The following MAL variants were observed in gnomAD, a reference collection of about 807,000 sequenced individuals.
MAL encodes the protein myelin and lymphocyte protein.
MAL carries 5 observed loss-of-function variants against 16.7 expected under a neutral mutation model. That is an observed-to-expected ratio of 0.30 (90% confidence interval 0.16 to 0.63). The LOEUF (loss-of-function observed/expected upper bound fraction) is 0.63, where lower values mean the gene tolerates loss of function less well. MAL is among the 30% of genes least tolerant of loss of function. The probability of loss-of-function intolerance (pLI) is 0.82; values close to 1 mark genes in which losing one functional copy is unlikely to be tolerated. For missense variants in MAL, 202 were observed against 195.8 expected (o/e 1.03, Z -0.19); for synonymous variants, 96 against 85.5 (o/e 1.12, Z -0.67).
At chr2:95,038,250 G>A (rs1674304496) in intron 1 of MAL, among the ~76,000 whole-genome samples, 1 of 150,410 alleles carries the variant, frequency 6.6e-6, no homozygotes, top group Non-Finnish European at 1.5e-5. Context: ...GTGTGTGAGT[G>A]ACTGACTGAG....
chr2:95,053,634 C>T lies in MAL; in HGVS notation c.*179C>T. 1 of 600,770 alleles carries T rather than the reference C, an allele frequency of 1.7e-6. No homozygotes were observed. Among genetic ancestry groups the T allele is most frequent in the Non-Finnish European group, 2.9e-6 (1 of 340,344 alleles). The allele number at this position is 600,770 out of a possible 1,614,324, so 37.2% of individuals were successfully genotyped here. Reference sequence around the variant, plus strand: ...GCTCGTGGGTGCTGTGTTTACTCTCCCGTGTGCCTTCGCGTCCGGGTTGGG... The same window carrying T: ...GCTCGTGGGTGCTGTGTTTACTCTCTCGTGTGCCTTCGCGTCCGGGTTGGG... On this transcript the variant is annotated 3_prime_UTR_variant, in exon 4 of 4. Coordinates refer to ENST00000309988, the MANE Select transcript of MAL (RefSeq NM_002371.4).
intron 1 of MAL, among the ~76,000 whole-genome samples, chr2:95,033,999 C>T (rs542690338): frequency 1.1e-4 from 17 of 152,342 alleles, no homozygotes; most frequent in African/African-American, 3.8e-4. Context: ...CTATCAAGTG[C>T]TGTTATTATT....
At chr2:95,047,549 C>T (rs1245138641) in intron 1 of MAL, among the ~76,000 whole-genome samples, 3 of 152,152 alleles carry the variant, frequency 2.0e-5, no homozygotes, top group Middle Eastern at 3.4e-3. Flanking sequence ...GGTGAAACCC[C>T]GTCTCTACCA....
intron 3 of MAL, among the ~76,000 whole-genome samples, chr2:95,050,242 G>A (rs576694490): frequency 3.9e-5 from 6 of 152,348 alleles, no homozygotes; most frequent in East Asian, 1.9e-4. Context: ...CCAGCCAGGG[G>A]TGGGGACGCT....
At chr2:95,042,906 T>C (rs556660769) in intron 1 of MAL, among the ~76,000 whole-genome samples, 180 of 152,320 alleles carry the variant, frequency 1.2e-3, no homozygotes, top group South Asian at 5.2e-3. Context: ...GTGCCCTTCT[T>C]ACTCTGTTTG....
Position 95,025,966 on chromosome 2 carries a change from G to A in MAL, c.93+81G>A. 3 of 1,245,040 alleles carry A rather than the reference G, an allele frequency of 2.4e-6. No homozygotes were observed. The highest frequency in any genetic ancestry group is 3.4e-6 in the Non-Finnish European group (3 of 894,368). The allele number at this position is 1,245,040 out of a possible 1,614,324, so 77.1% of individuals were successfully genotyped here. A position where few individuals can be genotyped will look rare whatever the true frequency, so the allele number is the denominator to read the frequency against. On this transcript the variant is annotated intron_variant, in intron 1 of 3. Transcript: ENST00000309988. The surrounding 1 kb of genome is among the most constrained non-coding windows in gnomAD (Gnocchi z 5.6). ...GGGCGCCCAGCACAGCTGTCGGACG[G>A]GATCCGCTAGCTGCGCAGGTTCTGG...
chr2:95,048,095 C>A lies in MAL; in HGVS notation c.230C>A (p.Ala77Asp), dbSNP rs534758572. Residue 77 changes from alanine to aspartate, a missense_variant, in exon 2 of 4, where the codon GCC (alanine) becomes GAC (aspartate). Physicochemically the swap from Ala to Asp is moderately radical, Grantham distance 126. Coordinates refer to ENST00000309988, the MANE Select transcript of MAL (RefSeq NM_002371.4). ...TTGATCATCCTGTACATAATTGGAG[C>A]CCACGGTGGAGAGACTTCCTGGGTC... ...TTLIILYIIGAHGGETSWVTL... is the reference protein window; with the variant it reads ...TTLIILYIIGDHGGETSWVTL... 2 of 1,613,648 alleles carry A rather than the reference C, an allele frequency of 1.2e-6. No homozygotes were observed. Among genetic ancestry groups the A allele is most frequent in the Admixed American group, 3.3e-5 (2 of 60,008 alleles).
chr2:95,036,803 GTGTGAGTGAGTGACTT>G (rs1674220810), intron 1 of MAL, among the ~76,000 whole-genome samples: 1 of 151,908 alleles, frequency 6.6e-6, no homozygotes, highest in African/African-American at 2.4e-5. Context: ...GTGACTGAGT[GTGTGAGTGAGTGACTT>G]AGTGACTGAG....
At position 95,036,893 on chromosome 2, in the gene MAL, GTGAGTGAGTGAC is replaced by G. The variant is rs530013742; in HGVS notation, c.93+11028_94-11035del. Among the ~76,000 whole-genome samples, 64 of 151,902 alleles carry G rather than the reference GTGAGTGAGTGAC, an allele frequency of 4.2e-4. No homozygotes were observed. In the South Asian group the frequency reaches 0.011, roughly 26 times the overall value. On this transcript the variant is annotated intron_variant, in intron 1 of 3. Transcript: ENST00000309988. Reference sequence around the variant, plus strand: ...AGTGACTGAGTGAGTAACTGAGTGGGTGAGTGAGTGACTGAGTGAGTGACTGAGTGACTGAGT... The same window carrying G: ...AGTGACTGAGTGAGTAACTGAGTGGGTGAGTGAGTGACTGAGTGACTGAGT...
At chr2:95,035,579 G>T (rs1286638970) in intron 1 of MAL, among the ~76,000 whole-genome samples, 2 of 152,150 alleles carry the variant, frequency 1.3e-5, no homozygotes, top group African/African-American at 2.4e-5. Flanking sequence ...GGGCTCAAGG[G>T]GGGTGAGATT....
chr2:95,046,834 A>AGAGAGAGAAAGAGAAAGG, intron 1 of MAL, among the ~76,000 whole-genome samples: 1 of 151,622 alleles, frequency 6.6e-6, no homozygotes, highest in African/African-American at 2.4e-5. Context: ...AGAGAAAGAA[A>AGAGAGAGAAAGAGAAAGG]GAGAGAGAAA....
rs747181152 is a variant in MAL, at chr2:95,048,122, C to A, written c.257C>A (p.Thr86Asn). The change falls in exon 2 of 4, where the codon ACC (threonine) becomes AAC (asparagine). Residue 86 changes from threonine to asparagine, a missense_variant. Coordinates refer to ENST00000309988, the MANE Select transcript of MAL (RefSeq NM_002371.4). ...GAHGGETSWV[T>N]LDAAYHCTAA... is the part of the protein sequence containing the mutation. ...CACGGTGGAGAGACTTCCTGGGTCACCTTGGTGAGTCCAGCCCAGGGTGGC... is the reference window on the plus strand; with the variant it reads ...CACGGTGGAGAGACTTCCTGGGTCAACTTGGTGAGTCCAGCCCAGGGTGGC... 22 of 1,612,168 alleles carry A rather than the reference C, an allele frequency of 1.4e-5. No individual in the cohort carries two copies. The South Asian group carries it at 2.2e-4, about 16-fold the overall frequency.
intron 3 of MAL, 34 bp downstream of exon 3, chr2:95,049,740 G>A (rs375041224): frequency 1.7e-5 from 27 of 1,612,132 alleles, no homozygotes; most frequent in Middle Eastern, 3.3e-4. Flanking sequence ...TGTCCACAGC[G>A]GGCGGCTCCG....
chr2:95,030,060 G>A (rs562484680), intron 1 of MAL, among the ~76,000 whole-genome samples: 1 of 152,272 alleles, frequency 6.6e-6, no homozygotes, highest in South Asian at 2.1e-4. Flanking sequence ...AAGCTGATCC[G>A]GGTGGAGCGC....
intron 1 of MAL, among the ~76,000 whole-genome samples, chr2:95,030,672 G>A (rs1674056597): frequency 6.6e-6 from 1 of 152,234 alleles, no homozygotes; most frequent in South Asian, 2.1e-4. Context: ...CCACAAAGGA[G>A]GCAGGGTTGT....
chr2:95,046,347 C>G (rs968956119), intron 1 of MAL, among the ~76,000 whole-genome samples: 1 of 152,024 alleles, frequency 6.6e-6, no homozygotes, highest in African/African-American at 2.4e-5. Context: ...TGGAGTGCTT[C>G]GAGCCCAGTC....
At chr2:95,041,659 C>G (rs1386641277) in intron 1 of MAL, among the ~76,000 whole-genome samples, 5 of 152,150 alleles carry the variant, frequency 3.3e-5, no homozygotes, top group African/African-American at 1.2e-4. Context: ...GCTAGTGACA[C>G]AGCTCACTTC....
At chr2:95,034,301 G>A (rs919865987) in intron 1 of MAL, among the ~76,000 whole-genome samples, 2 of 152,132 alleles carry the variant, frequency 1.3e-5, no homozygotes, top group Admixed American at 6.5e-5. Context: ...TCAGCTAAGA[G>A]CTTGATGGAG....
chr2:95,044,487 T>C (rs1375855069), intron 1 of MAL: 1 of 152,216 alleles, frequency 6.6e-6, no homozygotes, highest in East Asian at 1.9e-4. Flanking sequence ...GCTATAAATA[T>C]ACCATGCAAA....
Sources: gnomAD v4.1 joint callset for allele counts (sites outside exome capture counted in the v4.1 genomes callset) on GRCh38, gnomAD v4.1.1 for gene constraint, Gnocchi (gnomAD v3.1) non-coding constraint, MANE v1.5 for transcripts, NCBI Gene and HGNC (gene_info 2026-07-23, HGNC 2026-07-21) for gene names.